Variants in KCNMA1 observed in about 807,000 individuals in gnomAD.
The protein encoded by KCNMA1 is potassium calcium-activated channel subfamily M alpha 1, also known as Calcium-activated potassium channel subunit alpha-1.
Under a neutral mutation model 140.0 loss-of-function variants are expected in KCNMA1, and 29 were observed. The ratio of observed to expected loss-of-function variants is 0.21; its 90% CI spans 0.15 to 0.28. KCNMA1 has a LOEUF of 0.28. Ranked by LOEUF, KCNMA1 falls within the 10% of genes least tolerant of loss-of-function variation. The pLI, the probability that KCNMA1 is intolerant of heterozygous loss-of-function variation, is 1.00. For missense variants in KCNMA1, 880 were observed against 1,602.2 expected (o/e 0.55, Z 7.70); for synonymous variants, 612 against 611.9 (o/e 1.00, Z 0.00).
chr10:77,157,526 G>A (rs1180547541), intron 5 of KCNMA1, among the ~76,000 whole-genome samples: 1 of 152,062 alleles, frequency 6.6e-6, no homozygotes, highest in East Asian at 1.9e-4. Flanking sequence ...AAATGAATAT[G>A]TTGAGTTTTT....
At position 77,509,779 on chromosome 10, in the gene KCNMA1, C is replaced by T. The variant is rs548379269; in HGVS notation, c.379-105756G>A. 4.6e-5 allele frequency among the ~76,000 whole-genome samples: 7 copies of T among 152,224 alleles called. No homozygotes were observed. The East Asian group carries it at 7.7e-4, about 17-fold the overall frequency. On this transcript the variant is annotated intron_variant, in intron 1 of 27. Coordinates refer to ENST00000286628, the MANE Select transcript of KCNMA1 (RefSeq NM_001161352.2). ...TTATAATAAGAAAAACAAAAATTAACGTTATGTTTTAAAACTGTGCTAGGG... is the reference window on the plus strand; with the variant it reads ...TTATAATAAGAAAAACAAAAATTAATGTTATGTTTTAAAACTGTGCTAGGG...
intron 3 of KCNMA1, among the ~76,000 whole-genome samples, chr10:77,235,660 C>T (rs1356109012): frequency 6.6e-6 from 1 of 152,122 alleles, no homozygotes; most frequent in Non-Finnish European, 1.5e-5. Flanking sequence ...TAAATCGCTT[C>T]GTTTTCAACA....
chr10:77,150,313 G>C (rs1054131482), intron 5 of KCNMA1, among the ~76,000 whole-genome samples: 4 of 152,146 alleles, frequency 2.6e-5, no homozygotes, highest in African/African-American at 9.7e-5. Context: ...TCCATCAAAT[G>C]CCATTCTTGT....
chr10:77,090,676 G>A (rs2096792328), intron 9 of KCNMA1, 166 bp from the exon 10 acceptor site: 1 of 647,916 alleles, frequency 1.5e-6, no homozygotes, highest in Non-Finnish European at 2.8e-6. Flanking sequence ...GTGAGGCAAA[G>A]CAGCGGTGCT....
intron 1 of KCNMA1, among the ~76,000 whole-genome samples, chr10:77,405,163 A>T (rs1274865235): frequency 6.6e-6 from 1 of 152,222 alleles, no homozygotes; most frequent in Non-Finnish European, 1.5e-5. Context: ...CTTCTCCCAC[A>T]GAGACTTATG....
chr10:76,908,570 G>A (rs538745715), intron 25 of KCNMA1, among the ~76,000 whole-genome samples: 67 of 152,264 alleles, frequency 4.4e-4, no homozygotes, highest in Non-Finnish European at 8.7e-4. Context: ...TCAAATAGAG[G>A]TCCTTCTGGG....
At chr10:76,980,435 A>T (rs2079082564) in intron 19 of KCNMA1, 1 of 152,072 alleles carries the variant, frequency 6.6e-6, no homozygotes, top group South Asian at 2.1e-4. Context: ...CAAATTTCGG[A>T]GATGCTTTGG....
In KCNMA1 at chr10:77,506,571, TAGAGAGAG is replaced by T. The variant is rs72516981; in HGVS notation, c.379-102556_379-102549del. The stretch of plus-strand genomic sequence containing the variant: ...GGAGAGAGGGAAAGAGAGATGTTCC[TAGAGAGAG>T]AGAGAGAGAGAGAGAGAGTGTGTGT... On this transcript the variant is annotated intron_variant, in intron 1 of 27. Coordinates refer to ENST00000286628, the MANE Select transcript of KCNMA1 (RefSeq NM_001161352.2). Among the ~76,000 whole-genome samples the T allele has an allele frequency of 2.2e-3, 174 of 78,048 alleles. 4 individuals carry two copies. Among genetic ancestry groups the T allele is most frequent in the African/African-American group, 8.8e-3 (96 of 10,896 alleles). The allele number at this position is 78,048 out of a possible 152,430, so 51.2% of individuals were successfully genotyped here. A position where few individuals can be genotyped will look rare whatever the true frequency, so the allele number is the denominator to read the frequency against.
chr10:77,306,792 T>C (rs1034355651), intron 2 of KCNMA1, among the ~76,000 whole-genome samples: 7 of 152,180 alleles, frequency 4.6e-5, no homozygotes, highest in African/African-American at 1.7e-4. Flanking sequence ...TGGGCCACAG[T>C]GCTATCTAGG....
At chr10:77,047,740 C>T (rs1385761231) in intron 14 of KCNMA1, among the ~76,000 whole-genome samples, 1 of 151,800 alleles carries the variant, frequency 6.6e-6, no homozygotes, top group African/African-American at 2.4e-5. Flanking sequence ...TGCAACCTTG[C>T]TAATAGTAAA....
At chr10:77,531,695 T>C (rs561739097) in intron 1 of KCNMA1, among the ~76,000 whole-genome samples, 2 of 152,294 alleles carry the variant, frequency 1.3e-5, no homozygotes, top group South Asian at 4.1e-4. Flanking sequence ...CCTTCATGCA[T>C]AAACCCACCA....
chr10:76,956,346 C>G (rs1290980464), intron 20 of KCNMA1, among the ~76,000 whole-genome samples: 1 of 152,164 alleles, frequency 6.6e-6, no homozygotes, highest in African/African-American at 2.4e-5. Context: ...TGCAATGGAA[C>G]ATCCAGAGGC....
intron 1 of KCNMA1, among the ~76,000 whole-genome samples, chr10:77,522,715 A>T (rs1265455152): frequency 6.6e-6 from 1 of 152,168 alleles, no homozygotes; most frequent in Non-Finnish European, 1.5e-5. Flanking sequence ...GCAGCCTTCA[A>T]AGGTGCAAAC....
At chr10:77,056,247 G>C (rs2095537298) in intron 14 of KCNMA1, among the ~76,000 whole-genome samples, 1 of 152,146 alleles carries the variant, frequency 6.6e-6, no homozygotes, top group South Asian at 2.1e-4. Context: ...AGGCGTGGTG[G>C]TGGGCACCTG....
intron 14 of KCNMA1, among the ~76,000 whole-genome samples, chr10:77,059,159 A>G (rs2095649082): frequency 6.6e-6 from 1 of 152,032 alleles, no homozygotes; most frequent in African/African-American, 2.4e-5. Context: ...AAGATTAACT[A>G]TTTAACCTGA....
At chr10:77,151,727 T>C (rs2098420860) in intron 5 of KCNMA1, among the ~76,000 whole-genome samples, 1 of 152,132 alleles carries the variant, frequency 6.6e-6, no homozygotes. Flanking sequence ...AGGAGGACAG[T>C]GTTTAGAGCA....
chr10:77,532,833 G>T (rs2058001313), intron 1 of KCNMA1, among the ~76,000 whole-genome samples: 1 of 152,084 alleles, frequency 6.6e-6, no homozygotes, highest in African/African-American at 2.4e-5. Flanking sequence ...ATCCAGATTT[G>T]CCAAAACCTT....
At chr10:76,943,422 G>C (rs1165550331) in intron 23 of KCNMA1, among the ~76,000 whole-genome samples, 1 of 152,196 alleles carries the variant, frequency 6.6e-6, no homozygotes, top group Non-Finnish European at 1.5e-5. Flanking sequence ...CACCACCAAA[G>C]GGGAAGGTTC....
Position 77,108,605 on chromosome 10 carries a change from AAGAC to A in KCNMA1, c.1132-37_1132-34del, listed in dbSNP as rs771427377. ...GATAGGAGACAGAAGAGAGACTAAA[AAGAC>A]AGGCCAAAGAAAAGGGGGGACCTGT... is the stretch of plus-strand genomic sequence containing the variant. On this transcript the variant is annotated intron_variant, in intron 8 of 27. Transcript: ENST00000286628. This position sits in a 1 kb window ranked among gnomAD's most constrained non-coding sequence, Gnocchi z 4.6. 29 of 1,535,078 alleles carry A rather than the reference AAGAC, an allele frequency of 1.9e-5. No homozygotes were observed. The Middle Eastern group carries it at 6.8e-4, about 36-fold the overall frequency.
Sources: gnomAD v4.1 joint callset for allele counts (sites outside exome capture counted in the v4.1 genomes callset) on GRCh38, gnomAD v4.1.1 for gene constraint, Gnocchi (gnomAD v3.1) non-coding constraint, MANE v1.5 for transcripts, NCBI Gene and HGNC (gene_info 2026-07-23, HGNC 2026-07-21) for gene names.